The following MTUS2 variants were observed in gnomAD, a reference collection of about 807,000 sequenced individuals.
MTUS2 encodes the protein microtubule associated scaffold protein 2.
In MTUS2, 40 loss-of-function variants were observed where a neutral mutation model predicts 114.1. That is an observed-to-expected ratio of 0.35 (90% CI 0.27 to 0.46). The LOEUF is 0.46. MTUS2 is among the 20% of genes least tolerant of loss of function. The probability of loss-of-function intolerance (pLI) is 1.00; values close to 1 mark genes in which losing one functional copy is unlikely to be tolerated. For missense variants in MTUS2, 1,679 were observed against 1,705.4 expected, an observed-to-expected ratio of 0.98 and a Z score of 0.27; for synonymous variants, 688 against 672.0, an observed-to-expected ratio of 1.02 and a Z score of -0.37.
chr13:29,034,402 G>A (rs1886968533), intron 4 of MTUS2, among the ~76,000 whole-genome samples: 1 of 152,142 alleles, frequency 6.6e-6, no homozygotes, highest in Non-Finnish European at 1.5e-5. Context: ...AGGCTCAGAA[G>A]TTGTTTTCTG....
rs1184881245 is a variant in MTUS2 at position 29,360,694 on chromosome 13, C to CG, written c.3117+1221_3117+1222insG. Among the ~76,000 whole-genome samples the CG allele has an allele frequency of 2.9e-5, 4 of 138,800 alleles. No individual in the cohort carries two copies. In the East Asian group the frequency reaches 6.9e-4, roughly 24 times the overall value. The allele number at this position is 138,800 out of a possible 152,430, so 91.1% of individuals were successfully genotyped here. On this transcript the variant is annotated intron_variant, in intron 8 of 15. Coordinates refer to ENST00000612955, the MANE Select transcript of MTUS2 (RefSeq NM_001033602.4). ...TTGCATAAAGTAGCCGAACACCCCC[C>CG]CCCCCCCGTAAGAATTAAAGTTACA... is the stretch of plus-strand genomic sequence containing the variant.
intron 4 of MTUS2, among the ~76,000 whole-genome samples, chr13:29,047,574 C>T (rs558307909): frequency 7.4e-5 from 11 of 148,638 alleles, no homozygotes; most frequent in Middle Eastern, 3.4e-3. Context: ...AGTGCAGTGG[C>T]GCAATCTCGG....
chr13:29,497,127 A>T, intron 12 of MTUS2, 111 bp from the exon 13 acceptor site: 4 of 899,806 alleles, frequency 4.4e-6, no homozygotes, highest in Non-Finnish European at 7.1e-6. Context: ...CAAGGGAAAC[A>T]CTCTGAGGAT....
intron 6 of MTUS2, among the ~76,000 whole-genome samples, chr13:29,292,728 A>AT (rs1200823143): frequency 1.7e-4 from 26 of 152,106 alleles, no homozygotes; most frequent in African/African-American, 4.3e-4. Flanking sequence ...TCATTTACTC[A>AT]TTTTTTTCAT....
At chr13:28,903,661 CATT>C (rs1206472785) in intron 2 of MTUS2, among the ~76,000 whole-genome samples, 2 of 151,810 alleles carry the variant, frequency 1.3e-5, no homozygotes, top group Non-Finnish European at 2.9e-5. Flanking sequence ...TCCAGTCTAT[CATT>C]GTTGGACATT....
At chr13:29,201,429 A>G (rs1209040824) in intron 5 of MTUS2, among the ~76,000 whole-genome samples, 1 of 151,914 alleles carries the variant, frequency 6.6e-6, no homozygotes, top group Non-Finnish European at 1.5e-5. Flanking sequence ...GGGTCTGAAT[A>G]CAGCACACCA....
At chr13:29,406,141 C>T in intron 8 of MTUS2, among the ~76,000 whole-genome samples, 1 of 152,122 alleles carries the variant, frequency 6.6e-6, no homozygotes, top group East Asian at 1.9e-4. Flanking sequence ...TGCTGTGCAC[C>T]TCTCCATGAT....
intron 11 of MTUS2, among the ~76,000 whole-genome samples, chr13:29,491,642 ATGTGTGTG>A (rs966887730): frequency 7.7e-6 from 1 of 130,246 alleles, no homozygotes; most frequent in Non-Finnish European, 1.6e-5. Flanking sequence ...GTAGGTGTGT[ATGTGTGTG>A]TGGCATGTAG....
At chr13:29,389,388 CGTGTGTGTATATATGTATACACGT>C (rs199605591) in intron 8 of MTUS2, among the ~76,000 whole-genome samples, 1 of 13,884 alleles carries the variant, frequency 7.2e-5, no homozygotes, top group African/African-American at 1.2e-4. Flanking sequence ...TATGTATACA[CGTGTGTGTATATATGTATACACGT>C]GTGTGTGTAT....
intron 2 of MTUS2, among the ~76,000 whole-genome samples, chr13:28,889,135 G>A (rs929243180): frequency 1.3e-5 from 2 of 152,082 alleles, no homozygotes; most frequent in Non-Finnish European, 2.9e-5. Flanking sequence ...GTGGTGACAG[G>A]TTCATTGTTC....
chr13:28,925,901 A>AT (rs1333052612), intron 2 of MTUS2, among the ~76,000 whole-genome samples: 3 of 152,236 alleles, frequency 2.0e-5, no homozygotes, highest in African/African-American at 7.2e-5. Context: ...GACTATGGGA[A>AT]TTAGAATACA....
chr13:28,931,285 A>G (rs1881602745), intron 2 of MTUS2, among the ~76,000 whole-genome samples: 1 of 152,204 alleles, frequency 6.6e-6, no homozygotes. Context: ...AATACAAATA[A>G]AACAAAATAC....
intron 8 of MTUS2, among the ~76,000 whole-genome samples, chr13:29,362,460 T>A (rs1870340005): frequency 6.6e-6 from 1 of 151,996 alleles, no homozygotes; most frequent in Non-Finnish European, 1.5e-5. Context: ...AGAAAATAAT[T>A]TTCAGTGGCC....
intron 8 of MTUS2, among the ~76,000 whole-genome samples, chr13:29,406,292 C>T (rs1874749440): frequency 6.6e-6 from 1 of 152,112 alleles, no homozygotes; most frequent in Non-Finnish European, 1.5e-5. Flanking sequence ...AGAGACTTAG[C>T]CAGTAGAAGC....
At chr13:29,125,412 C>G (rs1019666906) in intron 5 of MTUS2, among the ~76,000 whole-genome samples, 2 of 152,196 alleles carry the variant, frequency 1.3e-5, no homozygotes, top group Admixed American at 6.5e-5. Context: ...GGTTGCCAAG[C>G]AACATGACTG....
intron 8 of MTUS2, among the ~76,000 whole-genome samples, chr13:29,422,862 C>T (rs1304948208): frequency 1.3e-5 from 2 of 152,102 alleles, no homozygotes; most frequent in African/African-American, 2.4e-5. Context: ...AAACTCCTGA[C>T]CTCAGGTGAT....
chr13:29,126,069 A>G (rs1891501746), intron 5 of MTUS2, among the ~76,000 whole-genome samples: 1 of 152,230 alleles, frequency 6.6e-6, no homozygotes, highest in African/African-American at 2.4e-5. Flanking sequence ...GTAGACAGTG[A>G]GGAGAGGAAT....
chr13:28,984,626 C>T (rs113783434), intron 2 of MTUS2, among the ~76,000 whole-genome samples: 58 of 152,308 alleles, frequency 3.8e-4, no homozygotes, highest in African/African-American at 1.2e-3. Context: ...TATTTGGGCT[C>T]TTTTCGAACC....
At chr13:28,832,045 T>C (rs1874723750) in intron 1 of MTUS2, among the ~76,000 whole-genome samples, 1 of 152,146 alleles carries the variant, frequency 6.6e-6, no homozygotes, top group African/African-American at 2.4e-5. Context: ...ATTACAGGTG[T>C]GAGCCACTGT....
Sources: allele counts gnomAD v4.1 joint callset (sites outside exome capture counted in the v4.1 genomes callset), GRCh38; gene constraint gnomAD v4.1.1; transcripts MANE v1.5; gene names NCBI Gene and HGNC (gene_info 2026-07-23, HGNC 2026-07-21).